Variants in NRXN1 observed in about 807,000 individuals in gnomAD.
NRXN1 encodes neurexin 1.
Under a neutral mutation model 150.9 loss-of-function variants are expected in NRXN1, and 39 were observed. The observed-to-expected ratio is 0.26, with a 90% CI of 0.20 to 0.34. NRXN1 has a LOEUF of 0.34. Among genes scored for constraint, NRXN1 ranks in the 10% least tolerant of loss-of-function variants. The pLI is 1.00. For missense variants in NRXN1, 1,815 were observed against 1,949.9 expected, an observed-to-expected ratio of 0.93 and a Z score of 1.30; for synonymous variants, 924 against 757.0, an observed-to-expected ratio of 1.22 and a Z score of -3.62.
intron 5 of NRXN1, among the ~76,000 whole-genome samples, chr2:50,639,065 A>G (rs11894847): frequency 0.051 from 7,726 of 152,110 alleles, 677 homozygotes; most frequent in African/African-American, 0.18. Flanking sequence ...CATTTTATAC[A>G]TTAAAAAAAT....
At chr2:50,464,372 T>A (rs189009137) in intron 17 of NRXN1, 7 of 151,976 alleles carry the variant, frequency 4.6e-5, no homozygotes, top group Admixed American at 3.3e-4. Context: ...AGACAGCAGG[T>A]AAATTGTACT....
chr2:50,442,222 T>C (rs1008237887), intron 17 of NRXN1, among the ~76,000 whole-genome samples: 10 of 152,194 alleles, frequency 6.6e-5, no homozygotes, highest in Non-Finnish European at 1.5e-4. Flanking sequence ...GTTAGGATAA[T>C]ACTAGTGCCT....
At position 51,027,732 on chromosome 2, in the gene NRXN1, T is replaced by C. The variant is rs376904592; in HGVS notation, c.542A>G (p.Lys181Arg). ...LASVREREPF[K>R]GWIRDVRVNS... Reference sequence around the variant, plus strand: ...GACCCTCACGTCACGAATCCACCCCTTGAAGGGCTCCCGCTCCCTCACCGA... The same window carrying C: ...GACCCTCACGTCACGAATCCACCCCCTGAAGGGCTCCCGCTCCCTCACCGA... The change falls in exon 2 of 23, where the codon AAG becomes AGG. Residue 181 changes from lysine (K) to arginine (R), a missense_variant. By Grantham distance (26) the Lys-to-Arg change is conservative. Around this residue, in one of 6 missense-constraint regions of NRXN1, gnomAD observed 554 missense variants for 478.8 expected, o/e 1.16. Transcript: ENST00000401669. The C allele has an allele frequency of 6.2e-6, 10 of 1,611,058 alleles. No individual in the cohort carries two copies. In the African/African-American group the frequency reaches 8.0e-5, roughly 13 times the overall value.
intron 21 of NRXN1, among the ~76,000 whole-genome samples, chr2:50,049,186 A>G (rs1038769638): frequency 1.3e-5 from 2 of 152,178 alleles, no homozygotes; most frequent in Non-Finnish European, 2.9e-5. Context: ...TCAAAAATAT[A>G]CTATTAATAA....
intron 17 of NRXN1, among the ~76,000 whole-genome samples, chr2:50,320,453 A>C (rs983389259): frequency 1.4e-4 from 21 of 151,390 alleles, no homozygotes; most frequent in African/African-American, 1.2e-4. Context: ...ACATTTAAAG[A>C]GAATTAAAAT....
chr2:50,749,328 C>A (rs2105320297), intron 5 of NRXN1, among the ~76,000 whole-genome samples: 1 of 152,146 alleles, frequency 6.6e-6, no homozygotes, highest in African/African-American at 2.4e-5. Flanking sequence ...TAGTTGGTTT[C>A]TGAGGCCCTG....
chr2:50,253,078 T>C (rs1312147005), intron 17 of NRXN1, among the ~76,000 whole-genome samples: 2 of 152,192 alleles, frequency 1.3e-5, no homozygotes, highest in African/African-American at 2.4e-5. Context: ...GTGTCCTTTC[T>C]TGTTTTCTTG....
intron 17 of NRXN1, among the ~76,000 whole-genome samples, chr2:50,267,922 G>C (rs139251202): frequency 0.018 from 2,710 of 152,216 alleles, 71 homozygotes; most frequent in African/African-American, 0.063. Flanking sequence ...AGGCACAGCG[G>C]CTCACACCTG....
chr2:50,228,266 C>T (rs1210831085), intron 18 of NRXN1, among the ~76,000 whole-genome samples: 2 of 151,788 alleles, frequency 1.3e-5, no homozygotes, highest in Admixed American at 1.3e-4. Context: ...AAACTAATTC[C>T]ATCTTTTTTT....
intron 5 of NRXN1, chr2:50,656,336 A>G: frequency 1.3e-6 from 1 of 770,454 alleles, no homozygotes; most frequent in East Asian, 2.4e-5. Flanking sequence ...TTATAATTCT[A>G]TACTCTAAAG....
At chr2:49,998,871 T>A (rs1383747415) in intron 21 of NRXN1, among the ~76,000 whole-genome samples, 6 of 152,168 alleles carry the variant, frequency 3.9e-5, no homozygotes, top group Admixed American at 1.3e-4. Flanking sequence ...GCATGCTGTA[T>A]GTGGGTTGCC....
At chr2:50,560,492 G>A (rs1293929731) in intron 8 of NRXN1, among the ~76,000 whole-genome samples, 1 of 150,734 alleles carries the variant, frequency 6.6e-6, no homozygotes, top group Admixed American at 6.6e-5. Flanking sequence ...CCAGGCTGGA[G>A]TGCAATAATG....
chr2:50,578,853 G>A (rs1294107197), intron 8 of NRXN1, among the ~76,000 whole-genome samples: 1 of 151,796 alleles, frequency 6.6e-6, no homozygotes, highest in Admixed American at 6.6e-5. Flanking sequence ...TTTTGATTGG[G>A]GTCACTGGAA....
At chr2:50,682,182 A>C (rs900619936) in intron 5 of NRXN1, among the ~76,000 whole-genome samples, 1 of 152,204 alleles carries the variant, frequency 6.6e-6, no homozygotes, top group African/African-American at 2.4e-5. Context: ...CCTAAAACTC[A>C]TTCCTCCTTG....
intron 8 of NRXN1, among the ~76,000 whole-genome samples, chr2:50,560,834 A>T (rs562777485): frequency 1.3e-5 from 2 of 152,342 alleles, no homozygotes; most frequent in East Asian, 3.9e-4. Context: ...TCTGATTCAG[A>T]GACCATGTAC....
chr2:50,695,556 A>T (rs1559135354), intron 5 of NRXN1, among the ~76,000 whole-genome samples: 1 of 152,202 alleles, frequency 6.6e-6, no homozygotes, highest in Non-Finnish European at 1.5e-5. Flanking sequence ...TCCATTTGAC[A>T]AAGAGATTAG....
rs759350005 is a variant in NRXN1 at position 50,319,006 on chromosome 2, T to C, written c.3365-82036A>G. On this transcript the variant is annotated intron_variant, in intron 17 of 22. Coordinates refer to ENST00000401669, the MANE Select transcript of NRXN1 (RefSeq NM_001330078.2). ...ATTGTTAATTGCAGTTTAATAAACA[T>C]AATAAGTTTAAATTAAGAAGAAAAG... is the stretch of plus-strand genomic sequence containing the variant. 7.2e-5 allele frequency among the ~76,000 whole-genome samples: 11 copies of C among 152,014 alleles called. No homozygotes were observed. The East Asian group carries it at 2.1e-3, about 29-fold the overall frequency.
intron 18 of NRXN1, among the ~76,000 whole-genome samples, chr2:50,107,122 G>T (rs913773531): frequency 2.0e-5 from 3 of 151,920 alleles, no homozygotes; most frequent in African/African-American, 4.8e-5. Context: ...AACATGGAAA[G>T]GTGAGCCTTG....
At chr2:50,317,928 G>C (rs1260746396) in intron 17 of NRXN1, among the ~76,000 whole-genome samples, 1 of 151,988 alleles carries the variant, frequency 6.6e-6, no homozygotes, top group Non-Finnish European at 1.5e-5. Context: ...TTTCAAGGTA[G>C]AGGTAGAAAA....
Sources: gnomAD v4.1 joint callset for allele counts (sites outside exome capture counted in the v4.1 genomes callset) on GRCh38, gnomAD v4.1.1 for gene constraint, gnomAD v4.1.1 regional missense constraint, MANE v1.5 for transcripts, NCBI Gene and HGNC (gene_info 2026-07-23, HGNC 2026-07-21) for gene names.